Variants in INTS2 observed in about 807,000 individuals in gnomAD.
INTS2 encodes integrator complex subunit 2.
A neutral mutation model predicts 139.6 loss-of-function variants in INTS2; 57 were observed. That is an observed-to-expected ratio of 0.41 (90% CI 0.33 to 0.51). The LOEUF (loss-of-function observed/expected upper bound fraction) is 0.51. Ranked by LOEUF, INTS2 falls within the 20% of genes least tolerant of loss-of-function variation. The probability of loss-of-function intolerance (pLI) is 0.28; values close to 1 mark genes in which losing one functional copy is unlikely to be tolerated. For missense variants in INTS2, 1,196 were observed against 1,436.7 expected, an observed-to-expected ratio of 0.83 and a Z score of 2.71; for synonymous variants, 473 against 493.4, an observed-to-expected ratio of 0.96 and a Z score of 0.55.
At chr17:61,900,642 C>T (rs1603378760) in intron 9 of INTS2, among the ~76,000 whole-genome samples, 1 of 152,256 alleles carries the variant, frequency 6.6e-6, no homozygotes, top group East Asian at 1.9e-4. Flanking sequence ...TTCTAATATG[C>T]TTTTTCATTT....
Position 61,901,198 on chromosome 17 carries a change from G to A in INTS2, c.1307+3262C>T, listed in dbSNP as rs577783996. ...GTGGAAGGATCTGTTGACCCCAGAA[G>A]TTCAAAGCTGCAATGAGTTATGACT... On this transcript the variant is annotated intron_variant, in intron 9 of 24. Coordinates refer to ENST00000251334, the MANE Select transcript of INTS2 (RefSeq NM_001351695.2). Among the ~76,000 whole-genome samples, 11 of 152,142 alleles carry A rather than the reference G, an allele frequency of 7.2e-5. No individual in the cohort carries two copies. The South Asian group carries it at 2.3e-3, about 32-fold the overall frequency.
intron 13 of INTS2, among the ~76,000 whole-genome samples, chr17:61,892,617 C>T (rs529499814): frequency 5.7e-4 from 87 of 151,762 alleles, no homozygotes; most frequent in African/African-American, 2.0e-3. Context: ...GGCAAAATAG[C>T]GAGACCCTGT....
At position 61,869,348 on chromosome 17, in the gene INTS2, G is replaced by A. The variant is rs573904210; in HGVS notation, c.3063C>T (p.Val1021=). 113 of 1,606,068 alleles carry A rather than the reference G, an allele frequency of 7.0e-5. No individual in the cohort carries two copies. In the Middle Eastern group the frequency reaches 1.7e-3, roughly 23 times the overall value. The part of the protein sequence containing the change: ...GYPCELLPLT[V]AGIPSMHICL... ...AGATGTGCATAGATGGAATACCTGCGACCGTCAGAGGCAAAAGTTCACATG... is the reference window on the plus strand; with the variant it reads ...AGATGTGCATAGATGGAATACCTGCAACCGTCAGAGGCAAAAGTTCACATG... Residue 1021 remains valine (V), a synonymous_variant, in exon 22 of 25, where the codon GTC becomes GTT. Coordinates refer to ENST00000251334, the MANE Select transcript of INTS2 (RefSeq NM_001351695.2). This position sits in a 1 kb window ranked among gnomAD's most constrained non-coding sequence, Gnocchi z 5.4.
intron 8 of INTS2, among the ~76,000 whole-genome samples, chr17:61,905,092 T>C (rs752056144): frequency 6.6e-6 from 1 of 151,778 alleles, no homozygotes; most frequent in Non-Finnish European, 1.5e-5. Context: ...ACCACAGGTA[T>C]GCGCCACCAT....
chr17:61,895,453 T>C (rs1397683856), intron 11 of INTS2, 70 bp from the exon 12 acceptor site: 7 of 883,454 alleles, frequency 7.9e-6, no homozygotes, highest in East Asian at 2.8e-5. Flanking sequence ...AGGGAACTTA[T>C]CTAAAATGGC....
chr17:61,875,063 C>A lies in INTS2; in HGVS notation c.2457-25G>T. 3 of 1,543,206 alleles carry A rather than the reference C, an allele frequency of 1.9e-6. No homozygotes were observed. In the South Asian group the frequency reaches 3.7e-5, roughly 19 times the overall value. On this transcript the variant is annotated intron_variant, in intron 18 of 24. Coordinates refer to ENST00000251334, the MANE Select transcript of INTS2 (RefSeq NM_001351695.2). The surrounding 1 kb of genome is among the most constrained non-coding windows in gnomAD (Gnocchi z 4.6). Reference sequence around the variant, plus strand: ...CCTGATAAGAAAATAATCACATGTTCAAAACAGTTTTTTATATATTAAAAT... The same window carrying A: ...CCTGATAAGAAAATAATCACATGTTAAAAACAGTTTTTTATATATTAAAAT...
At chr17:61,899,910 TAAA>T (rs58001968) in intron 9 of INTS2, among the ~76,000 whole-genome samples, 4 of 138,610 alleles carry the variant, frequency 2.9e-5, no homozygotes, top group Non-Finnish European at 1.6e-5. Flanking sequence ...AGATCCTATC[TAAA>T]AAAAAAAAAA....
In INTS2 at chr17:61,893,739, A is replaced by G; in HGVS notation, c.1698+26T>C. 1 of 1,504,276 alleles carries G rather than the reference A, an allele frequency of 6.6e-7. No homozygotes were observed. The highest frequency in any genetic ancestry group is 8.9e-7 in the Non-Finnish European group (1 of 1,123,842). The allele number at this position is 1,504,276 out of a possible 1,614,324, so 93.2% of individuals were successfully genotyped here. A position where few individuals can be genotyped will look rare whatever the true frequency, so the allele number is the denominator to read the frequency against. ...TATAAAAATGTAGGGGCATGCTTTT[A>G]TTTTGTTTTATTTGTAGGGGCATAC... On this transcript the variant is annotated intron_variant, in intron 13 of 24. Coordinates refer to ENST00000251334, the MANE Select transcript of INTS2 (RefSeq NM_001351695.2). The surrounding 1 kb of genome is among the most constrained non-coding windows in gnomAD (Gnocchi z 5.4).
intron 17 of INTS2, 31 bp downstream of exon 17, chr17:61,880,976 G>C (rs777356411): frequency 1.3e-6 from 2 of 1,546,988 alleles, no homozygotes; most frequent in African/African-American, 2.7e-5. Flanking sequence ...ACTACAAAAG[G>C]GGTTAAAGGA....
rs2079187540 is a variant in INTS2 at position 61,882,619 on chromosome 17, C to T, written c.2090-1448G>A. ...TGGCACACGCCTGTAATCCTGGCTA[C>T]TTGGGAGGCTGAGGCACAAGAATTG... On this transcript the variant is annotated intron_variant, in intron 16 of 24. Transcript: ENST00000251334. The surrounding 1 kb of genome is among the most constrained non-coding windows in gnomAD (Gnocchi z 4.7). 1.3e-5 allele frequency among the ~76,000 whole-genome samples: 2 copies of T among 152,118 alleles called. No homozygotes were observed. The highest frequency in any genetic ancestry group is 4.2e-4 in the South Asian group (2 of 4,818).
At chr17:61,903,284 A>G (rs1044051101) in intron 9 of INTS2, among the ~76,000 whole-genome samples, 1 of 150,316 alleles carries the variant, frequency 6.7e-6, no homozygotes, top group African/African-American at 2.4e-5. Flanking sequence ...TCGAACTCAT[A>G]GCCTCAAGCA....
At position 61,876,628 on chromosome 17, in the gene INTS2, A is replaced by G. The variant is rs2079129787; in HGVS notation, c.2456+1259T>C. On this transcript the variant is annotated intron_variant, in intron 18 of 24. Coordinates refer to ENST00000251334, the MANE Select transcript of INTS2 (RefSeq NM_001351695.2). The surrounding 1 kb of genome is among the most constrained non-coding windows in gnomAD (Gnocchi z 4.1). ...CTGCTAATTTTTGTATTTTTTGTAG[A>G]GACGGGGTTTCACCATGTTGCCCAA... Among the ~76,000 whole-genome samples, 1 of 152,040 alleles carries G rather than the reference A, an allele frequency of 6.6e-6. No homozygotes were observed. The highest frequency in any genetic ancestry group is 2.4e-5 in the African/African-American group (1 of 41,400).
In INTS2 at chr17:61,869,097, C is replaced by A. The variant is rs755585041; in HGVS notation, c.3181G>T (p.Ala1061Ser). 3.1e-6 allele frequency: 5 copies of A among 1,612,546 alleles called. No homozygotes were observed. In the African/African-American group the frequency reaches 4.0e-5, roughly 13 times the overall value. ...GCCACACTAAGTGACTTTGGTAATG[C>A]ATATTGTATACACAAGTGAGAAAGC... ...QLLSHLCIQY[A>S]LPKSLSVARL... The change falls in exon 23 of 25, where the codon GCA becomes TCA. Residue 1061 changes from alanine to serine, a missense_variant. Around this residue, in one of 3 missense-constraint regions of INTS2, gnomAD observed 1,129 missense variants for 1,341.9 expected, o/e 0.84. Coordinates refer to ENST00000251334, the MANE Select transcript of INTS2 (RefSeq NM_001351695.2). This position sits in a 1 kb window ranked among gnomAD's most constrained non-coding sequence, Gnocchi z 5.4.
chr17:61,878,833 G>C (rs12603627), intron 17 of INTS2, among the ~76,000 whole-genome samples: 9,786 of 145,378 alleles, frequency 0.067, 575 homozygotes, highest in South Asian at 0.31. Context: ...CCAGGTACTC[G>C]AGAGGAAGAT....
intron 16 of INTS2, among the ~76,000 whole-genome samples, chr17:61,883,540 G>C (rs1375425617): frequency 6.6e-6 from 1 of 151,976 alleles, no homozygotes; most frequent in Non-Finnish European, 1.5e-5. Context: ...GATCACCTGA[G>C]GTCAGTTCAA....
intron 8 of INTS2, 148 bp downstream of exon 8, chr17:61,907,260 G>T (rs2079475516): frequency 1.6e-6 from 1 of 636,504 alleles, no homozygotes; most frequent in Non-Finnish European, 2.7e-6. Context: ...CTTGGCCTTA[G>T]GATTTCATTC....
rs2079733207 is a variant in INTS2, at chr17:61,927,758, A to G, written c.-123T>C. Reference sequence around the variant, plus strand: ...CGCGGTCCGATGTTGGGCCTAGGCGATATCCGGAACCCCAAACCCTAGTTG... The same window carrying G: ...CGCGGTCCGATGTTGGGCCTAGGCGGTATCCGGAACCCCAAACCCTAGTTG... On this transcript the variant is annotated 5_prime_UTR_variant, in exon 1 of 25. Coordinates refer to ENST00000251334, the MANE Select transcript of INTS2 (RefSeq NM_001351695.2). The G allele has an allele frequency of 8.4e-6, 13 of 1,540,948 alleles. No homozygotes were observed. Among genetic ancestry groups the G allele is most frequent in the Non-Finnish European group, 1.1e-5 (13 of 1,146,014 alleles).
chr17:61,887,818 T>C (rs1207809552), intron 15 of INTS2, among the ~76,000 whole-genome samples: 1 of 150,960 alleles, frequency 6.6e-6, no homozygotes, highest in African/African-American at 2.4e-5. Context: ...TTTGAGAGGC[T>C]GAGGTGTGTG....
At chr17:61,877,183 A>C (rs1163298904) in intron 18 of INTS2, among the ~76,000 whole-genome samples, 2 of 152,210 alleles carry the variant, frequency 1.3e-5, no homozygotes, top group African/African-American at 4.8e-5. Flanking sequence ...AAAATCAGGA[A>C]ATTACAGTCA....
Sources: allele counts gnomAD v4.1 joint callset (sites outside exome capture counted in the v4.1 genomes callset), GRCh38; gene constraint gnomAD v4.1.1; regional missense constraint gnomAD v4.1.1; non-coding constraint Gnocchi (gnomAD v3.1); transcripts MANE v1.5; gene names NCBI Gene and HGNC (gene_info 2026-07-23, HGNC 2026-07-21).